XRCC6: variants seen among roughly 807,000 people sequenced by gnomAD.
XRCC6 encodes X-ray repair cross complementing 6.
In XRCC6, 5 loss-of-function variants were observed where a neutral mutation model predicts 65.7. The ratio of observed to expected loss-of-function variants is 0.08; its 90% confidence interval spans 0.04 to 0.16. The LOEUF (loss-of-function observed/expected upper bound fraction) is 0.16. XRCC6 is among the 10% of genes least tolerant of loss of function. The pLI, the probability that XRCC6 is intolerant of heterozygous loss-of-function variation, is 1.00. For missense variants in XRCC6, 447 were observed against 738.1 expected (o/e 0.61, Z 4.57); for synonymous variants, 270 against 270.6 (o/e 1.00, Z 0.02).
intron 6 of XRCC6, among the ~76,000 whole-genome samples, chr22:41,645,595 A>G (rs997193361): frequency 3.3e-5 from 5 of 151,926 alleles, no homozygotes; most frequent in African/African-American, 1.2e-4. Flanking sequence ...ACATTCTCCC[A>G]AAACTGTAGT....
At chr22:41,646,247 G>A (rs1053399989) in intron 6 of XRCC6, among the ~76,000 whole-genome samples, 1 of 151,696 alleles carries the variant, frequency 6.6e-6, no homozygotes, top group South Asian at 2.1e-4. Flanking sequence ...AGGTTGCAGT[G>A]AGCCGAGATC....
intron 2 of XRCC6, among the ~76,000 whole-genome samples, chr22:41,623,082 T>A (rs2067628788): frequency 6.6e-6 from 1 of 152,132 alleles, no homozygotes; most frequent in Non-Finnish European, 1.5e-5. Flanking sequence ...ATTTATTTCC[T>A]AATGAAATAT....
intron 3 of XRCC6, among the ~76,000 whole-genome samples, chr22:41,631,117 CG>C (rs1387506191): frequency 6.7e-6 from 1 of 149,994 alleles, no homozygotes; most frequent in East Asian, 2.0e-4. Context: ...CCCTCCTGGA[CG>C]GGGCGGCTGG....
chr22:41,636,331 A>G (rs952273752), intron 4 of XRCC6, 80 bp downstream of exon 4: 14 of 1,518,072 alleles, frequency 9.2e-6, no homozygotes, highest in Middle Eastern at 1.8e-4. Context: ...GTGGAGAAGG[A>G]AGCAAGTTAC....
chr22:41,656,142 G>A (rs1447010091), intron 9 of XRCC6, among the ~76,000 whole-genome samples: 4 of 149,958 alleles, frequency 2.7e-5, no homozygotes, highest in African/African-American at 7.3e-5. Context: ...TACTTGAGCC[G>A]GAGAGGTAGA....
intron 6 of XRCC6, among the ~76,000 whole-genome samples, chr22:41,638,061 G>A (rs933414449): frequency 2.0e-5 from 3 of 151,308 alleles, no homozygotes; most frequent in Non-Finnish European, 4.4e-5. Flanking sequence ...TACTTAACTC[G>A]ACTATGCCAC....
intron 9 of XRCC6, among the ~76,000 whole-genome samples, chr22:41,656,466 G>A (rs1188108564): frequency 6.6e-6 from 1 of 151,104 alleles, no homozygotes; most frequent in Admixed American, 6.6e-5. Context: ...GCAGCGAGCC[G>A]AGATTGCCCA....
Position 41,628,107 on chromosome 22 carries a change from T to A in XRCC6, c.83-11T>A. Reference sequence around the variant, plus strand: ...AAGGACAAACATTTTCTTCCATTTTTTTCCCCATAGGAGACTATAAATATT... The same window carrying A: ...AAGGACAAACATTTTCTTCCATTTTATTCCCCATAGGAGACTATAAATATT... On this transcript the variant is annotated splice_polypyrimidine_tract_variant and intron_variant, in intron 2 of 12. Transcript: ENST00000360079. 1 of 1,573,690 alleles carries A rather than the reference T, an allele frequency of 6.4e-7. No homozygotes were observed. The highest frequency in any genetic ancestry group is 1.2e-5 in the South Asian group (1 of 86,484).
At chr22:41,656,285 C>G (rs900912413) in intron 9 of XRCC6, among the ~76,000 whole-genome samples, 1 of 150,064 alleles carries the variant, frequency 6.7e-6, no homozygotes, top group African/African-American at 2.4e-5. Flanking sequence ...CTTTGGGAAG[C>G]CGAGGTGGGC....
chr22:41,646,518 G>T (rs533173923), intron 6 of XRCC6, among the ~76,000 whole-genome samples: 3 of 152,182 alleles, frequency 2.0e-5, no homozygotes, highest in Non-Finnish European at 4.4e-5. Context: ...AATGTTCAAA[G>T]GAAGTGCTTA....
intron 8 of XRCC6, among the ~76,000 whole-genome samples, chr22:41,652,566 A>G (rs991683975): frequency 2.6e-5 from 4 of 151,986 alleles, no homozygotes; most frequent in Admixed American, 6.6e-5. Context: ...GGGTTTTGCT[A>G]TGTTGGGCAG....
intron 3 of XRCC6, among the ~76,000 whole-genome samples, chr22:41,631,891 C>G (rs1263105831): frequency 6.6e-6 from 1 of 152,144 alleles, no homozygotes; most frequent in Non-Finnish European, 1.5e-5. Context: ...CTCCGGAGGC[C>G]GAGGCTGGCG....
chr22:41,656,390 G>A (rs551184214), intron 9 of XRCC6, among the ~76,000 whole-genome samples: 27 of 151,790 alleles, frequency 1.8e-4, no homozygotes, highest in African/African-American at 2.7e-4. Flanking sequence ...GCGTGGTGGC[G>A]CCTGTAATCC....
intron 3 of XRCC6, among the ~76,000 whole-genome samples, chr22:41,630,489 C>CT (rs34290865): frequency 0.72 from 102,198 of 141,690 alleles, 37,418 homozygotes; most frequent in East Asian, 0.93. Context: ...ATTAGTGTTT[C>CT]TTTTTTTTTT....
At chr22:41,647,613 T>C (rs1318472289) in intron 7 of XRCC6, among the ~76,000 whole-genome samples, 2 of 150,550 alleles carry the variant, frequency 1.3e-5, no homozygotes, top group East Asian at 3.9e-4. Flanking sequence ...GGTGTCTCGC[T>C]ATGTTGCCTG....
intron 11 of XRCC6, 121 bp from the exon 12 acceptor site, chr22:41,661,210 A>G: frequency 1.3e-6 from 1 of 782,094 alleles, no homozygotes; most frequent in East Asian, 2.5e-5. Context: ...ACATTTCCCT[A>G]GACCCCTCCC....
chr22:41,655,290 C>T (rs1029656836), intron 9 of XRCC6, among the ~76,000 whole-genome samples: 3 of 149,398 alleles, frequency 2.0e-5, no homozygotes, highest in African/African-American at 4.9e-5. Context: ...AAGGAATCTT[C>T]GAACCACAAA....
intron 8 of XRCC6, among the ~76,000 whole-genome samples, chr22:41,651,671 G>A (rs1373143908): frequency 6.6e-6 from 1 of 151,466 alleles, no homozygotes; most frequent in Non-Finnish European, 1.5e-5. Context: ...GGGATTACAG[G>A]CACCTGCTAC....
intron 9 of XRCC6, among the ~76,000 whole-genome samples, chr22:41,654,888 G>T (rs2068030980): frequency 6.6e-6 from 1 of 152,216 alleles, no homozygotes; most frequent in African/African-American, 2.4e-5. Context: ...CGCAACCACA[G>T]TTTTGCTTTC....
Sources: gnomAD v4.1 joint callset for allele counts (sites outside exome capture counted in the v4.1 genomes callset) on GRCh38, gnomAD v4.1.1 for gene constraint, MANE v1.5 for transcripts, NCBI Gene and HGNC (gene_info 2026-07-23, HGNC 2026-07-21) for gene names.